TUSC3: variants seen among roughly 807,000 people sequenced by gnomAD.
TUSC3 encodes dolichyl-diphosphooligosaccharide--protein glycosyltransferase subunit TUSC3.
In TUSC3, 45 loss-of-function variants were observed where a neutral mutation model predicts 44.8. That is an observed-to-expected ratio of 1.00 (90% CI 0.79 to 1.29). TUSC3 has a LOEUF of 1.29. Among genes scored for constraint, TUSC3 ranks in the 50% most tolerant of loss-of-function variants. The pLI is 0.00. For missense variants in TUSC3, 519 were observed against 437.9 expected (o/e 1.19, Z -1.65); for synonymous variants, 212 against 152.9 (o/e 1.39, Z -2.85).
intron 6 of TUSC3, among the ~76,000 whole-genome samples, chr8:15,711,238 G>A (rs1809837005): frequency 6.6e-6 from 1 of 151,664 alleles, no homozygotes. Flanking sequence ...ATCTACTTAA[G>A]CTGAGGCAGT....
At chr8:15,666,020 T>A (rs1807645032) in intron 5 of TUSC3, among the ~76,000 whole-genome samples, 1 of 151,460 alleles carries the variant, frequency 6.6e-6, no homozygotes, top group Admixed American at 6.6e-5. Flanking sequence ...TAAAGTAGAA[T>A]GATGGAGTAA....
chr8:15,688,510 G>T (rs1808739951), intron 6 of TUSC3, among the ~76,000 whole-genome samples: 1 of 151,206 alleles, frequency 6.6e-6, no homozygotes, highest in African/African-American at 2.4e-5. Flanking sequence ...TGTCACAGGG[G>T]TTTGATGTAC....
At chr8:15,446,768 A>AT (rs200820583) in intron 1 of TUSC3, among the ~76,000 whole-genome samples, 21,661 of 137,898 alleles carry the variant, frequency 0.16, 2,139 homozygotes, top group Middle Eastern at 0.22. Context: ...AGGGAGAGCT[A>AT]TTTTTTTTTA....
intron 5 of TUSC3, among the ~76,000 whole-genome samples, 160 bp from the exon 6 acceptor site, chr8:15,673,587 C>G (rs1808052455): frequency 1.3e-5 from 2 of 152,050 alleles, no homozygotes; most frequent in African/African-American, 4.8e-5. Flanking sequence ...GAATAAGTAA[C>G]TTACTCAAAG....
intron 2 of TUSC3, among the ~76,000 whole-genome samples, chr8:15,635,107 T>G (rs1387759715): frequency 1.3e-5 from 2 of 152,138 alleles, no homozygotes; most frequent in Non-Finnish European, 2.9e-5. Flanking sequence ...ATATATTGGT[T>G]GAGTTTCCTC....
chr8:15,822,001 G>A, the TUSC3 span, among the ~76,000 whole-genome samples: 118 of 152,198 alleles, frequency 7.8e-4, 3 homozygotes, highest in Admixed American at 4.3e-3. Context: ...TGATAAGGCT[G>A]GTAGCACTGC....
chr8:15,423,701 T>C (rs1047670845), intron 1 of TUSC3, among the ~76,000 whole-genome samples: 4 of 151,876 alleles, frequency 2.6e-5, no homozygotes, highest in African/African-American at 9.7e-5. Flanking sequence ...GCGGGGAGAG[T>C]GGGCTTTCTC....
chr8:15,661,833 C>G (rs1014142879), intron 4 of TUSC3, among the ~76,000 whole-genome samples: 2 of 151,680 alleles, frequency 1.3e-5, no homozygotes, highest in African/African-American at 2.4e-5. Flanking sequence ...AGTCTTACAA[C>G]TTAAAAAGAG....
intron 1 of TUSC3, among the ~76,000 whole-genome samples, chr8:15,600,302 T>C (rs1804233294): frequency 2.0e-5 from 3 of 151,682 alleles, no homozygotes; most frequent in Admixed American, 2.0e-4. Flanking sequence ...GTGGTAGTAA[T>C]GGCAATTAAG....
At chr8:15,548,234 A>G (rs1468333313) in intron 1 of TUSC3, among the ~76,000 whole-genome samples, 1 of 151,714 alleles carries the variant, frequency 6.6e-6, no homozygotes, top group Non-Finnish European at 1.5e-5. Context: ...GTGACAAACT[A>G]TTTGTCTAAC....
At chr8:15,618,347 C>T (rs544950526) in intron 1 of TUSC3, among the ~76,000 whole-genome samples, 214 of 152,252 alleles carry the variant, frequency 1.4e-3, no homozygotes, top group Non-Finnish European at 2.2e-3. Context: ...GCTTAAAATA[C>T]AAACACATTT....
intron 1 of TUSC3, among the ~76,000 whole-genome samples, chr8:15,611,071 A>G (rs1346915676): frequency 6.6e-6 from 1 of 152,224 alleles, no homozygotes; most frequent in East Asian, 1.9e-4. Context: ...ACTTTACACA[A>G]ACAAAAGGTC....
At chr8:15,612,008 G>A (rs1386082819) in intron 1 of TUSC3, among the ~76,000 whole-genome samples, 1 of 152,078 alleles carries the variant, frequency 6.6e-6, no homozygotes, top group Admixed American at 6.6e-5. Context: ...AAGGCTTCTT[G>A]TTCTCTTAGA....
chr8:15,634,487 A>G (rs765837029), intron 2 of TUSC3, among the ~76,000 whole-genome samples: 12 of 152,222 alleles, frequency 7.9e-5, no homozygotes, highest in Non-Finnish European at 1.6e-4. Context: ...AGGGCAATTG[A>G]TATTTTGCAT....
intron 2 of TUSC3, among the ~76,000 whole-genome samples, chr8:15,529,837 C>CCGGACTG (rs1320130219): frequency 1.4e-4 from 17 of 120,432 alleles, no homozygotes; most frequent in Non-Finnish European, 2.6e-4. Flanking sequence ...GTTGCCCAGG[C>CCGGACTG]CGGACTGCGG....
chr8:15,770,630 TATA>T (rs535127065), downstream of TUSC3, among the ~76,000 whole-genome samples: 83 of 152,260 alleles, frequency 5.5e-4, no homozygotes, highest in African/African-American at 1.9e-3. Flanking sequence ...CAGTTGAAAT[TATA>T]ATAATATAGT....
intron 1 of TUSC3, among the ~76,000 whole-genome samples, chr8:15,544,155 G>A (rs1280039750): frequency 1.3e-5 from 2 of 152,110 alleles, no homozygotes; most frequent in Non-Finnish European, 2.9e-5. Flanking sequence ...GATGTTAAGT[G>A]ATGTGAGTTT....
intron 1 of TUSC3, among the ~76,000 whole-genome samples, chr8:15,609,786 A>G (rs549963503): frequency 6.6e-6 from 1 of 152,266 alleles, no homozygotes; most frequent in East Asian, 1.9e-4. Context: ...TACATTAAAA[A>G]TAAAACAGAG....
At chr8:15,431,602 G>A (rs1056429308) in intron 1 of TUSC3, among the ~76,000 whole-genome samples, 5 of 148,568 alleles carry the variant, frequency 3.4e-5, no homozygotes, top group African/African-American at 1.3e-4. Flanking sequence ...CTATATATAG[G>A]ATTATGTCTT....
Sources: allele counts gnomAD v4.1 joint callset (sites outside exome capture counted in the v4.1 genomes callset), GRCh38; gene constraint gnomAD v4.1.1; transcripts MANE v1.5; gene names NCBI Gene and HGNC (gene_info 2026-07-23, HGNC 2026-07-21).